The following GPC6 variants were observed in gnomAD, a reference collection of about 807,000 sequenced individuals.
The protein encoded by GPC6 is glypican 6, also known as glypican-6.
A neutral mutation model predicts 55.2 loss-of-function variants in GPC6; 14 were observed. The observed-to-expected ratio is 0.25, with a 90% CI of 0.17 to 0.40. The LOEUF (loss-of-function observed/expected upper bound fraction) is 0.40, where lower values mean the gene tolerates loss of function less well. Among genes scored for constraint, GPC6 ranks in the 10% least tolerant of loss-of-function variants. The pLI is 1.00. For synonymous variants in GPC6, 278 were observed against 259.6 expected (o/e 1.07, Z -0.68); for missense variants, 641 against 708.5 (o/e 0.90, Z 1.08).
At chr13:93,228,415 G>A (rs1301306036) in intron 1 of GPC6, among the ~76,000 whole-genome samples, 1 of 152,170 alleles carries the variant, frequency 6.6e-6, no homozygotes, top group African/African-American at 2.4e-5. Context: ...TGGGGATTCG[G>A]GTCCGGGTTC....
At chr13:93,506,611 A>G (rs1474911995) in intron 1 of GPC6, among the ~76,000 whole-genome samples, 1 of 152,116 alleles carries the variant, frequency 6.6e-6, no homozygotes, top group Non-Finnish European at 1.5e-5. Flanking sequence ...ATGGTACCCT[A>G]GAGGTCTTAT....
At chr13:93,265,839 C>T (rs184970252) in intron 1 of GPC6, among the ~76,000 whole-genome samples, 4 of 149,862 alleles carry the variant, frequency 2.7e-5, no homozygotes, top group Non-Finnish European at 5.9e-5. Flanking sequence ...AGGTTGGCCT[C>T]GAACGCATAG....
At chr13:93,679,212 A>T (rs1881758733) in intron 2 of GPC6, among the ~76,000 whole-genome samples, 1 of 152,188 alleles carries the variant, frequency 6.6e-6, no homozygotes, top group Non-Finnish European at 1.5e-5. Flanking sequence ...CCCTTTTGTG[A>T]AACACAGCCA....
chr13:93,844,966 G>A (rs1321793760), intron 3 of GPC6, among the ~76,000 whole-genome samples: 13 of 152,124 alleles, frequency 8.5e-5, no homozygotes, highest in South Asian at 4.2e-4. Context: ...GGTATGCGGC[G>A]TTATTTCTAA....
Position 93,930,275 on chromosome 13 carries a change from G to GTTTTTTTTTTTTTTTTT in GPC6, c.712-97441_712-97440insTTTTTTTTTTTTTTTTT, listed in dbSNP as rs35858695. ...TTTTAAAGGTTATTGGAAACGAAAG[G>GTTTTTTTTTTTTTTTTT]TTTTTTTTTTTTTGTAGACAGAGTC... On this transcript the variant is annotated intron_variant, in intron 3 of 8. Coordinates refer to ENST00000377047, the MANE Select transcript of GPC6 (RefSeq NM_005708.5). Among the ~76,000 whole-genome samples the GTTTTTTTTTTTTTTTTT allele has an allele frequency of 4.9e-3, 610 of 123,710 alleles. 25 individuals are homozygous for GTTTTTTTTTTTTTTTTT. The highest frequency in any genetic ancestry group is 6.7e-3 in the East Asian group (26 of 3,902). 81.2% of individuals were successfully genotyped at this position (123,710 alleles called of 152,430 possible). A position where few individuals can be genotyped will look rare whatever the true frequency, so the allele number is the denominator to read the frequency against.
chr13:93,609,533 C>T (rs2139537165), intron 2 of GPC6, among the ~76,000 whole-genome samples: 1 of 152,288 alleles, frequency 6.6e-6, no homozygotes, highest in African/African-American at 2.4e-5. Flanking sequence ...CCACCGCGCC[C>T]AGCTGCTAAC....
At chr13:93,354,349 A>AT (rs11454186) in intron 1 of GPC6, among the ~76,000 whole-genome samples, 61,631 of 115,298 alleles carry the variant, frequency 0.53, 17,995 homozygotes, top group Non-Finnish European at 0.64. Flanking sequence ...CCGTTGGTAG[A>AT]TTTTTTTTTT....
At chr13:93,952,820 C>CAT (rs140592999) in intron 3 of GPC6, among the ~76,000 whole-genome samples, 2 of 145,338 alleles carry the variant, frequency 1.4e-5, no homozygotes, top group Non-Finnish European at 3.0e-5. Flanking sequence ...CACACACACA[C>CAT]ATATATATAC....
intron 1 of GPC6, among the ~76,000 whole-genome samples, chr13:93,524,606 T>G (rs1374516971): frequency 6.6e-6 from 1 of 152,104 alleles, no homozygotes; most frequent in Non-Finnish European, 1.5e-5. Context: ...CAAGTCACTT[T>G]AGTCATCCAA....
chr13:93,749,028 A>C (rs1884493142), intron 2 of GPC6, among the ~76,000 whole-genome samples: 1 of 152,050 alleles, frequency 6.6e-6, no homozygotes, highest in Admixed American at 6.6e-5. Context: ...TATATAGTAC[A>C]TGAGAATCAA....
At chr13:93,466,744 T>C (rs1475154647) in intron 1 of GPC6, among the ~76,000 whole-genome samples, 1 of 152,142 alleles carries the variant, frequency 6.6e-6, no homozygotes, top group South Asian at 2.1e-4. Context: ...AATGAAAGAT[T>C]ACGAAAGACA....
intron 3 of GPC6, among the ~76,000 whole-genome samples, chr13:93,921,420 G>A (rs1877563114): frequency 6.6e-6 from 1 of 152,106 alleles, no homozygotes; most frequent in African/African-American, 2.4e-5. Flanking sequence ...GGAAGAATCA[G>A]GTCACACAGA....
At chr13:93,979,451 C>T (rs1048209153) in intron 3 of GPC6, among the ~76,000 whole-genome samples, 4 of 150,892 alleles carry the variant, frequency 2.7e-5, no homozygotes, top group Non-Finnish European at 4.4e-5. Flanking sequence ...TTTCCTGATG[C>T]TTTTTTTTAA....
intron 4 of GPC6, among the ~76,000 whole-genome samples, chr13:94,116,977 CT>C (rs1256356922): frequency 1.3e-5 from 2 of 151,942 alleles, no homozygotes; most frequent in African/African-American, 4.8e-5. Flanking sequence ...GTTTGGGGTT[CT>C]TTTCCCCCCC....
At chr13:94,307,429 A>C (rs1167620403) in intron 6 of GPC6, among the ~76,000 whole-genome samples, 1 of 151,808 alleles carries the variant, frequency 6.6e-6, no homozygotes, top group East Asian at 1.9e-4. Context: ...TGATCCTCCT[A>C]CCTTAGCTTA....
intron 4 of GPC6, among the ~76,000 whole-genome samples, chr13:94,278,249 G>C (rs1892271905): frequency 6.6e-6 from 1 of 152,088 alleles, no homozygotes; most frequent in Non-Finnish European, 1.5e-5. Context: ...TCTATTGTTG[G>C]TATAAAGGAA....
intron 4 of GPC6, among the ~76,000 whole-genome samples, chr13:94,121,465 A>G (rs1477305304): frequency 1.3e-5 from 2 of 152,168 alleles, no homozygotes; most frequent in Admixed American, 1.3e-4. Context: ...AAGTCATTCA[A>G]TAAAAATGTT....
At chr13:93,866,639 G>A (rs1039857167) in intron 3 of GPC6, among the ~76,000 whole-genome samples, 1 of 151,754 alleles carries the variant, frequency 6.6e-6, no homozygotes, top group African/African-American at 2.4e-5. Context: ...AATAGTGCAT[G>A]TTCTCACTTA....
intron 3 of GPC6, among the ~76,000 whole-genome samples, chr13:93,986,685 A>T (rs575436380): frequency 6.6e-6 from 1 of 152,196 alleles, no homozygotes; most frequent in African/African-American, 2.4e-5. Context: ...TATAAAGAAG[A>T]GTATGAAGAA....
Sources: allele counts gnomAD v4.1 joint callset (sites outside exome capture counted in the v4.1 genomes callset), GRCh38; gene constraint gnomAD v4.1.1; transcripts MANE v1.5; gene names NCBI Gene and HGNC (gene_info 2026-07-23, HGNC 2026-07-21).